The following COTL1 variants were observed in gnomAD, a reference collection of about 807,000 sequenced individuals.
The protein encoded by COTL1 is coactosin like F-actin binding protein 1, also known as coactosin-like protein.
COTL1 carries 15 observed loss-of-function variants against 16.5 expected under a neutral mutation model. The ratio of observed to expected loss-of-function variants is 0.91; its 90% CI spans 0.61 to 1.40. COTL1 has a LOEUF of 1.40. COTL1 is among the 40% of genes most tolerant of loss of function. The pLI is 0.00. For missense variants in COTL1, 220 were observed against 201.5 expected, an observed-to-expected ratio of 1.09 and a Z score of -0.56; for synonymous variants, 112 against 85.3, an observed-to-expected ratio of 1.31 and a Z score of -1.73.
At chr16:84,583,259 C>A (rs12325159) in intron 3 of COTL1, among the ~76,000 whole-genome samples, 1 of 152,048 alleles carries the variant, frequency 6.6e-6, no homozygotes, top group Admixed American at 6.6e-5. Context: ...AGTGGCAGAC[C>A]TGGCCTCGTG....
chr16:84,615,186 T>C (rs1344062276), intron 2 of COTL1, among the ~76,000 whole-genome samples: 1 of 152,214 alleles, frequency 6.6e-6, no homozygotes, highest in Non-Finnish European at 1.5e-5. Flanking sequence ...AATTCTCCTA[T>C]GCATTTGTCC....
In COTL1 at chr16:84,593,123, C is replaced by T. The variant is rs185915367; in HGVS notation, c.161-2861G>A. Among the ~76,000 whole-genome samples the T allele has an allele frequency of 4.6e-5, 7 of 152,376 alleles. No individual in the cohort carries two copies. In the East Asian group the frequency reaches 5.8e-4, roughly 13 times the overall value. On this transcript the variant is annotated intron_variant, in intron 2 of 3. Transcript: ENST00000262428. ...ATAAGGGCTGGAGGCTCAGAGGCCACGTGATGTGGCCAGACTCTCAACACG... is the reference window on the plus strand; with the variant it reads ...ATAAGGGCTGGAGGCTCAGAGGCCATGTGATGTGGCCAGACTCTCAACACG...
Position 84,566,608 on chromosome 16 carries a change from G to A in COTL1, c.*237C>T. The A allele has an allele frequency of 2.1e-6, 1 of 479,464 alleles. No individual in the cohort carries two copies. The highest frequency in any genetic ancestry group is 3.7e-6 in the Non-Finnish European group (1 of 269,388). The allele number at this position is 479,464 out of a possible 1,614,324, so 29.7% of individuals were successfully genotyped here. A position where few individuals can be genotyped will look rare whatever the true frequency, so the allele number is the denominator to read the frequency against. On this transcript the variant is annotated 3_prime_UTR_variant, in exon 4 of 4. Transcript: ENST00000262428. ...CTTTTCTTTAGAACAAAAAAGAGGGGGAGAAAAGAAAAAGAAGATCAAAGA... is the reference window on the plus strand; with the variant it reads ...CTTTTCTTTAGAACAAAAAAGAGGGAGAGAAAAGAAAAAGAAGATCAAAGA...
chr16:84,587,953 G>A (rs1904774037), intron 3 of COTL1, among the ~76,000 whole-genome samples: 1 of 152,006 alleles, frequency 6.6e-6, no homozygotes, highest in Non-Finnish European at 1.5e-5. Context: ...TGTATTTTTA[G>A]CAGAGACAGA....
chr16:84,578,437 CTTAT>C (rs887228168), intron 3 of COTL1, among the ~76,000 whole-genome samples: 3 of 152,184 alleles, frequency 2.0e-5, no homozygotes, highest in African/African-American at 7.2e-5. Flanking sequence ...TACATGGTAT[CTTAT>C]TGAATTTTCA....
chr16:84,578,212 CA>C (rs1256619450), intron 3 of COTL1, among the ~76,000 whole-genome samples: 2 of 152,272 alleles, frequency 1.3e-5, no homozygotes, highest in East Asian at 3.9e-4. Flanking sequence ...ACTTCTGCCC[CA>C]TCAAAACTGT....
In COTL1 at chr16:84,565,623, T is replaced by C. The variant is rs543491149; in HGVS notation, c.*1222A>G. ...TTCTGAAAAACAAAAAAAACATTTA[T>C]TTCTGTAAACTGTCTGAGTGCAGAG... On this transcript the variant is annotated 3_prime_UTR_variant, in exon 4 of 4. Coordinates refer to ENST00000262428, the MANE Select transcript of COTL1 (RefSeq NM_021149.5). 3 of 152,558 alleles carry C rather than the reference T, an allele frequency of 2.0e-5. No homozygotes were observed. Among genetic ancestry groups the C allele is most frequent in the African/African-American group, 7.2e-5 (3 of 41,508 alleles). 9.5% of individuals were successfully genotyped at this position (152,558 alleles called of 1,614,324 possible).
chr16:84,577,480 G>C (rs961546411), intron 3 of COTL1, among the ~76,000 whole-genome samples: 2 of 152,186 alleles, frequency 1.3e-5, no homozygotes, highest in Non-Finnish European at 2.9e-5. Context: ...CCTGACCTCA[G>C]GTGATCCACC....
At position 84,566,610 on chromosome 16, in the gene COTL1, A is replaced by G; in HGVS notation, c.*235T>C. 2 of 474,672 alleles carry G rather than the reference A, an allele frequency of 4.2e-6. No homozygotes were observed. Among genetic ancestry groups the G allele is most frequent in the Non-Finnish European group, 7.5e-6 (2 of 266,594 alleles). 29.4% of individuals were successfully genotyped at this position (474,672 alleles called of 1,614,324 possible). On this transcript the variant is annotated 3_prime_UTR_variant, in exon 4 of 4. Transcript: ENST00000262428. ...TTTCTTTAGAACAAAAAAGAGGGGG[A>G]GAAAAGAAAAAGAAGATCAAAGAAA...
intron 2 of COTL1, among the ~76,000 whole-genome samples, chr16:84,607,371 G>A (rs1905234869): frequency 6.6e-6 from 1 of 152,102 alleles, no homozygotes. Context: ...TGAGAGCCTC[G>A]GACACAGATC....
chr16:84,579,668 C>G (rs953043297), intron 3 of COTL1, among the ~76,000 whole-genome samples: 1 of 152,168 alleles, frequency 6.6e-6, no homozygotes, highest in Non-Finnish European at 1.5e-5. Context: ...ACCCTTTCGG[C>G]AAACCACAGC....
intron 3 of COTL1, among the ~76,000 whole-genome samples, chr16:84,588,193 C>T (rs1389623729): frequency 1.3e-5 from 2 of 151,540 alleles, no homozygotes; most frequent in Non-Finnish European, 1.5e-5. Flanking sequence ...CCAGCCTGGG[C>T]AATATAGTGA....
chr16:84,598,367 A>C (rs1395946599), intron 2 of COTL1, among the ~76,000 whole-genome samples: 2 of 152,166 alleles, frequency 1.3e-5, no homozygotes, highest in Non-Finnish European at 2.9e-5. Flanking sequence ...CCCTGAAGGT[A>C]GGTAAAGGGA....
intron 3 of COTL1, among the ~76,000 whole-genome samples, chr16:84,579,434 C>G (rs943728233): frequency 6.6e-5 from 10 of 151,166 alleles, no homozygotes; most frequent in African/African-American, 2.5e-4. Context: ...TTGCTGTGAG[C>G]CGAGATCGTG....
chr16:84,582,706 A>C (rs1395681632), intron 3 of COTL1, among the ~76,000 whole-genome samples: 1 of 152,228 alleles, frequency 6.6e-6, no homozygotes, highest in Non-Finnish European at 1.5e-5. Flanking sequence ...CAGGCATCAA[A>C]ATGGAGAAGC....
chr16:84,599,987 G>A (rs117523617), intron 2 of COTL1, among the ~76,000 whole-genome samples: 1,753 of 152,304 alleles, frequency 0.012, 20 homozygotes, highest in Middle Eastern at 0.034. Flanking sequence ...CCACCAAAGA[G>A]GAAGGAGGGC....
intron 2 of COTL1, among the ~76,000 whole-genome samples, chr16:84,600,198 G>T (rs1905080749): frequency 6.6e-6 from 1 of 151,874 alleles, no homozygotes; most frequent in Admixed American, 6.5e-5. Flanking sequence ...ACACCCTCCT[G>T]TCCTGCTCAA....
rs535423165 is a variant in COTL1 at position 84,617,960 on chromosome 16, C to A, written c.-46G>T. 2 of 1,411,578 alleles carry A rather than the reference C, an allele frequency of 1.4e-6. No individual in the cohort carries two copies. The highest frequency in any genetic ancestry group is 1.5e-5 in the African/African-American group (1 of 66,056). 87.4% of individuals were successfully genotyped at this position (1,411,578 alleles called of 1,614,324 possible). A position where few individuals can be genotyped will look rare whatever the true frequency, so the allele number is the denominator to read the frequency against. On this transcript the variant is annotated 5_prime_UTR_variant, in exon 1 of 4. Coordinates refer to ENST00000262428, the MANE Select transcript of COTL1 (RefSeq NM_021149.5). Reference sequence around the variant, plus strand: ...ACACTGTCCGGGGCGGCCGAGCGCGCCCCTGGCCGGCGGCGGGGATGGGAG... The same window carrying A: ...ACACTGTCCGGGGCGGCCGAGCGCGACCCTGGCCGGCGGCGGGGATGGGAG...
At position 84,588,224 on chromosome 16, in the gene COTL1, T is replaced by C. The variant is rs893503981; in HGVS notation, c.318+1881A>G. Among the ~76,000 whole-genome samples the C allele has an allele frequency of 6.6e-5, 10 of 151,146 alleles. 1 individual carries two copies. In the East Asian group the frequency reaches 1.2e-3, roughly 18 times the overall value. On this transcript the variant is annotated intron_variant, in intron 3 of 3. Transcript: ENST00000262428. The stretch of plus-strand genomic sequence containing the variant: ...AGTGAGATCCTGTCTCTCTTAAAAA[T>C]AATAATAATAATAATAATAATTTAT...
Sources: gnomAD v4.1 joint callset for allele counts (sites outside exome capture counted in the v4.1 genomes callset) on GRCh38, gnomAD v4.1.1 for gene constraint, MANE v1.5 for transcripts, NCBI Gene and HGNC (gene_info 2026-07-23, HGNC 2026-07-21) for gene names.